LDAH: variants seen among roughly 807,000 people sequenced by gnomAD.
The protein encoded by LDAH is lipid droplet associated hydrolase.
In LDAH, 26 loss-of-function variants were observed where a neutral mutation model predicts 29.6. That is an observed-to-expected ratio of 0.88 (90% CI 0.64 to 1.22). The LOEUF (loss-of-function observed/expected upper bound fraction) is 1.22, where lower values mean the gene tolerates loss of function less well. LDAH is among the 50% of genes most tolerant of loss of function. The pLI is 0.00. For synonymous variants in LDAH, 117 were observed against 133.0 expected (o/e 0.88, Z 0.83); for missense variants, 344 against 387.3 (o/e 0.89, Z 0.94).
chr2:20,733,777 G>A (rs1357573049), intron 5 of LDAH, among the ~76,000 whole-genome samples: 4 of 152,046 alleles, frequency 2.6e-5, no homozygotes, highest in East Asian at 3.9e-4. Context: ...GGGCTCAAGC[G>A]ATCCTTCCAT....
intron 4 of LDAH, among the ~76,000 whole-genome samples, chr2:20,740,458 A>G (rs531770628): frequency 9.2e-5 from 14 of 152,080 alleles, no homozygotes; most frequent in Admixed American, 2.6e-4. Context: ...ACAGGTGTGC[A>G]CCACCATGCC....
chr2:20,789,112 T>C (rs1233310688), intron 3 of LDAH: 1 of 1,549,848 alleles, frequency 6.5e-7, no homozygotes, highest in African/African-American at 1.4e-5. Flanking sequence ...CCCACCTCCA[T>C]GCCCTAAATC....
chr2:20,775,001 C>G (rs759515814), intron 3 of LDAH, 22 bp from the exon 4 acceptor site: 2 of 1,566,410 alleles, frequency 1.3e-6, no homozygotes, highest in East Asian at 2.3e-5. Flanking sequence ...AATATGAGCA[C>G]GTTTTCATTA....
At position 20,790,281 on chromosome 2, in the gene LDAH, T is replaced by C. The variant is rs144531740; in HGVS notation, c.272A>G (p.Asp91Gly). 1.3e-4 allele frequency: 211 copies of C among 1,614,194 alleles called. No individual in the cohort carries two copies. In the African/African-American group the frequency reaches 2.4e-3, roughly 19 times the overall value. ...CTCTGATGTTGTAAGAATCTTCTTG[T>C]CTTTGGGAGCCAACGCATGCCCAGC... ...SHAGHALAPK[D>G]KKILTTSEDS... The change falls in exon 3 of 7, where the codon GAC becomes GGC. Residue 91 changes from aspartate (D) to glycine (G), a missense_variant. Transcript: ENST00000237822.
At chr2:20,787,854 G>C (rs1018314028) in intron 3 of LDAH, among the ~76,000 whole-genome samples, 2 of 152,098 alleles carry the variant, frequency 1.3e-5, no homozygotes, top group Non-Finnish European at 2.9e-5. Context: ...AGGGGAAAAA[G>C]CACTAAAAAT....
chr2:20,819,065 T>C (rs763114475), intron 1 of LDAH, among the ~76,000 whole-genome samples: 1 of 152,130 alleles, frequency 6.6e-6, no homozygotes, highest in Non-Finnish European at 1.5e-5. Context: ...GAAGATAAAA[T>C]CTATGACTAC....
chr2:20,732,109 T>C (rs1666452295), intron 5 of LDAH, among the ~76,000 whole-genome samples: 1 of 151,466 alleles, frequency 6.6e-6, no homozygotes, highest in South Asian at 2.1e-4. Context: ...ATTCAAAATA[T>C]TTTTTTTTCC....
intron 6 of LDAH, among the ~76,000 whole-genome samples, chr2:20,695,206 C>T (rs373455706): frequency 2.0e-5 from 3 of 152,164 alleles, no homozygotes; most frequent in African/African-American, 2.4e-5. Context: ...CTCCTTGAGG[C>T]ATCTTATGGG....
intron 3 of LDAH, among the ~76,000 whole-genome samples, chr2:20,788,430 G>A (rs1392363706): frequency 2.0e-5 from 3 of 152,180 alleles, no homozygotes; most frequent in African/African-American, 7.2e-5. Flanking sequence ...GAGGATCAGA[G>A]GCTGAGGTCA....
chr2:20,696,726 C>T (rs1360067529), intron 6 of LDAH, among the ~76,000 whole-genome samples: 1 of 152,078 alleles, frequency 6.6e-6, no homozygotes, highest in Admixed American at 6.5e-5. Flanking sequence ...CAAGGGAGTG[C>T]TGACCTCTTA....
intron 6 of LDAH, 42 bp from the exon 7 acceptor site, chr2:20,687,136 C>T (rs1223530791): frequency 1.3e-6 from 2 of 1,537,238 alleles, no homozygotes; most frequent in South Asian, 1.2e-5. Flanking sequence ...AAACACGTTC[C>T]CTTCCTGACA....
In LDAH at chr2:20,795,548, G is replaced by C. The variant is rs73224603; in HGVS notation, c.155-5150C>G. Among the ~76,000 whole-genome samples, 909 of 152,164 alleles carry C rather than the reference G, an allele frequency of 6.0e-3. 10 individuals are homozygous for C. Among genetic ancestry groups the C allele is most frequent in the African/African-American group, 0.02 (848 of 41,512 alleles). On this transcript the variant is annotated intron_variant, in intron 2 of 6. Transcript: ENST00000237822. ...TTGTTCATCTCACTAGTTAAAGAAA[G>C]TCCAAGGACAATGTTACTTTACAGA...
chr2:20,760,581 T>C (rs1481211910), intron 4 of LDAH, among the ~76,000 whole-genome samples: 1 of 152,186 alleles, frequency 6.6e-6, no homozygotes, highest in East Asian at 1.9e-4. Context: ...GAGGATTCAG[T>C]TCTTTGTAGT....
intron 4 of LDAH, among the ~76,000 whole-genome samples, chr2:20,755,807 A>G (rs1427607886): frequency 6.6e-6 from 1 of 152,252 alleles, no homozygotes; most frequent in East Asian, 1.9e-4. Flanking sequence ...TCTCCCATGC[A>G]AACTCCAGCT....
chr2:20,801,948 G>T (rs998796793), intron 1 of LDAH, among the ~76,000 whole-genome samples: 1 of 149,018 alleles, frequency 6.7e-6, no homozygotes, highest in Non-Finnish European at 1.5e-5. Context: ...GTGTGTGTGT[G>T]TGTGTGTGTA....
intron 4 of LDAH, among the ~76,000 whole-genome samples, chr2:20,752,109 C>T (rs905794872): frequency 2.6e-5 from 4 of 152,062 alleles, no homozygotes; most frequent in South Asian, 2.1e-4. Context: ...CCAGGCTGGT[C>T]TTGAACTCCT....
Position 20,684,670 on chromosome 2 carries a change from A to C in LDAH, c.*2233T>G. The C allele has an allele frequency of 2.1e-6, 1 of 468,358 alleles. No individual in the cohort carries two copies. The highest frequency in any genetic ancestry group is 3.7e-6 in the Non-Finnish European group (1 of 269,928). The allele number at this position is 468,358 out of a possible 1,614,324, so 29.0% of individuals were successfully genotyped here. A position where few individuals can be genotyped will look rare whatever the true frequency, so the allele number is the denominator to read the frequency against. On this transcript the variant is annotated 3_prime_UTR_variant, in exon 7 of 7. Transcript: ENST00000237822. ...CCATGGACATCAGGCCACACAAGCC[A>C]CAGAGGGCTTGTGGAGATGCTTATG...
At chr2:20,758,641 C>G (rs1315751505) in intron 4 of LDAH, among the ~76,000 whole-genome samples, 1 of 151,972 alleles carries the variant, frequency 6.6e-6, no homozygotes, top group Non-Finnish European at 1.5e-5. Context: ...AAAGTGTTAC[C>G]AAAGGAAGGA....
rs146361505 is a variant in LDAH, at chr2:20,692,677, C to T, written c.787-5583G>A. Among the ~76,000 whole-genome samples the T allele has an allele frequency of 1.4e-3, 213 of 152,308 alleles. 3 individuals carry two copies. Among genetic ancestry groups the T allele is most frequent in the African/African-American group, 4.9e-3 (203 of 41,554 alleles). ...AAGCTCTTTAAATCATAATTCACCA[C>T]GAAGTCAAGTTTGGTACAAACGATA... On this transcript the variant is annotated intron_variant, in intron 6 of 6. Coordinates refer to ENST00000237822, the MANE Select transcript of LDAH (RefSeq NM_021925.4).
Sources: gnomAD v4.1 joint callset for allele counts (sites outside exome capture counted in the v4.1 genomes callset) on GRCh38, gnomAD v4.1.1 for gene constraint, MANE v1.5 for transcripts, NCBI Gene and HGNC (gene_info 2026-07-23, HGNC 2026-07-21) for gene names.